YME1L1: variants seen among roughly 807,000 people sequenced by gnomAD.
The protein encoded by YME1L1 is YME1 like 1 ATPase, also known as ATP-dependent zinc metalloprotease YME1L1.
In YME1L1, 39 loss-of-function variants were observed where a neutral mutation model predicts 90.4. The observed-to-expected ratio is 0.43, with a 90% CI of 0.33 to 0.56. The LOEUF is 0.56. YME1L1 is among the 20% of genes least tolerant of loss of function. The pLI is 0.03. For synonymous variants in YME1L1, 284 were observed against 287.3 expected (o/e 0.99, Z 0.12); for missense variants, 617 against 868.4 (o/e 0.71, Z 3.64).
At chr10:27,134,017 G>A in intron 7 of YME1L1, 22 bp downstream of exon 7, 1 of 1,518,168 alleles carries the variant, frequency 6.6e-7, no homozygotes, top group Non-Finnish European at 9.1e-7. Context: ...AAATAAGTTA[G>A]ACAAATAAAA....
chr10:27,134,052 G>T lies in YME1L1; in HGVS notation c.762C>A (p.Asn254Lys). 6.2e-7 allele frequency: 1 copy of T among 1,612,330 alleles called. No individual in the cohort carries two copies. The highest frequency in any genetic ancestry group is 8.5e-7 in the Non-Finnish European group (1 of 1,179,338). Residue 254 changes from asparagine (N) to lysine (K), a missense_variant, in exon 7 of 19, where the codon AAC (asparagine) becomes AAA (lysine). Coordinates refer to ENST00000376016, the MANE Select transcript of YME1L1 (RefSeq NM_014263.4). ...LLFGIYGLLK[N>K]PFLSVRFRTT... is the part of the protein sequence containing the mutation. ...AAAAGCTTTTACCAGATAAAAATGG[G>T]TTTTTTAGAAGTCCATAAATGCCGA... is the stretch of plus-strand genomic sequence containing the variant.
chr10:27,115,122 A>T (rs2056798890), intron 17 of YME1L1, among the ~76,000 whole-genome samples: 1 of 152,000 alleles, frequency 6.6e-6, no homozygotes, highest in Admixed American at 6.6e-5. Flanking sequence ...GCATGGTGGC[A>T]GGTGACTGTA....
chr10:27,130,723 C>A (rs756888728), intron 8 of YME1L1, among the ~76,000 whole-genome samples: 3 of 152,126 alleles, frequency 2.0e-5, no homozygotes, highest in Non-Finnish European at 4.4e-5. Flanking sequence ...CGTGGTGGCT[C>A]GTGCCTGTAA....
intron 11 of YME1L1, among the ~76,000 whole-genome samples, chr10:27,121,748 AT>A (rs10585648): frequency 1.6e-3 from 219 of 138,490 alleles, no homozygotes; most frequent in Admixed American, 2.1e-3. Context: ...ACAAGCCACT[AT>A]TTTTTTTTTT....
chr10:27,147,772 G>T, intron 2 of YME1L1: 1 of 1,475,190 alleles, frequency 6.8e-7, no homozygotes, highest in Non-Finnish European at 9.1e-7. Context: ...TGTCAATTGT[G>T]CAGTTTCACC....
At chr10:27,132,067 A>C (rs1475454973) in intron 7 of YME1L1, 126 bp from the exon 8 acceptor site, 2 of 666,348 alleles carry the variant, frequency 3.0e-6, no homozygotes, top group Non-Finnish European at 5.1e-6. Context: ...TTCACATATC[A>C]AATCAGAGTG....
chr10:27,137,019 A>T (rs1225777778), intron 4 of YME1L1, among the ~76,000 whole-genome samples: 2 of 85,506 alleles, frequency 2.3e-5, no homozygotes, highest in African/African-American at 5.8e-5. Context: ...ATAAACTGTG[A>T]TTTCAAAAAA....
chr10:27,113,615 T>C (rs2056781973), intron 18 of YME1L1, among the ~76,000 whole-genome samples: 1 of 148,054 alleles, frequency 6.8e-6, no homozygotes, highest in African/African-American at 2.5e-5. Flanking sequence ...GAAGTTGCAA[T>C]GAGCCGAGAT....
At position 27,112,112 on chromosome 10, in the gene YME1L1, A is replaced by G. The variant is rs752661376; in HGVS notation, c.2016T>C (p.Tyr672=). ...QEIRILLRDS[Y]ERAKHILKTH... is the part of the protein sequence containing the mutation. ...TTTTCAAGATATGTTTTGCTCGTTC[A>G]TATGAGTCCTGAAACAGAAAAGGAG... The change falls in exon 19 of 19, where the codon TAT becomes TAC. Residue 672 remains tyrosine, a synonymous_variant. Transcript: ENST00000376016. 1.3e-5 allele frequency: 21 copies of G among 1,612,678 alleles called. No homozygotes were observed. Among genetic ancestry groups the G allele is most frequent in the Non-Finnish European group, 1.7e-5 (20 of 1,179,658 alleles).
At chr10:27,139,376 T>C (rs1392163229) in intron 4 of YME1L1, among the ~76,000 whole-genome samples, 1 of 152,060 alleles carries the variant, frequency 6.6e-6, no homozygotes, top group African/African-American at 2.4e-5. Context: ...GTTGCTGTTG[T>C]TGAGATGATG....
intron 12 of YME1L1, among the ~76,000 whole-genome samples, 180 bp from the exon 13 acceptor site, chr10:27,120,727 C>A (rs1198339591): frequency 1.3e-5 from 2 of 152,108 alleles, no homozygotes; most frequent in Admixed American, 1.3e-4. Context: ...TGTCAATAAC[C>A]AGAAAGCAGA....
At position 27,154,365 on chromosome 10, in the gene YME1L1, C is replaced by A. The variant is rs1200105779; in HGVS notation, c.-155G>T. On this transcript the variant is annotated 5_prime_UTR_variant, in exon 1 of 19. Coordinates refer to ENST00000376016, the MANE Select transcript of YME1L1 (RefSeq NM_014263.4). ...AACGGAAAATGGCCTCCCCTTCCTACAGCTACTGCAACGACAGACAATCCG... is the reference window on the plus strand; with the variant it reads ...AACGGAAAATGGCCTCCCCTTCCTAAAGCTACTGCAACGACAGACAATCCG... 2 of 835,148 alleles carry A rather than the reference C, an allele frequency of 2.4e-6. No individual in the cohort carries two copies. The highest frequency in any genetic ancestry group is 3.7e-6 in the Non-Finnish European group (2 of 537,368). The allele number at this position is 835,148 out of a possible 1,614,324, so 51.7% of individuals were successfully genotyped here.
chr10:27,139,928 T>C (rs1217119864), intron 4 of YME1L1, among the ~76,000 whole-genome samples: 2 of 152,252 alleles, frequency 1.3e-5, no homozygotes, highest in African/African-American at 2.4e-5. Context: ...CACCTATTAT[T>C]TTAAAATGTT....
At chr10:27,113,905 G>C (rs1441710585) in intron 18 of YME1L1, among the ~76,000 whole-genome samples, 1 of 148,004 alleles carries the variant, frequency 6.8e-6, no homozygotes, top group Non-Finnish European at 1.5e-5. Context: ...AGTGAGCCGA[G>C]ATCATGCCAC....
chr10:27,140,782 T>C (rs188863760), intron 4 of YME1L1, among the ~76,000 whole-genome samples: 2 of 152,272 alleles, frequency 1.3e-5, no homozygotes, highest in Admixed American at 6.5e-5. Context: ...TGGCCGTATT[T>C]AGGTATTTTT....
chr10:27,119,328 C>T lies in YME1L1; in HGVS notation c.1533G>A (p.Lys511=). ...AVDGKEMVTM[K]ELEFSKDKIL... is the part of the protein sequence containing the mutation. ...TTTTGTCTTTGGAAAACTCCAGCTCCTTCATGGTAACCATTTCTTTTCCAT... is the reference window on the plus strand; with the variant it reads ...TTTTGTCTTTGGAAAACTCCAGCTCTTTCATGGTAACCATTTCTTTTCCAT... Residue 511 remains lysine, a synonymous_variant, in exon 14 of 19, where the codon AAG becomes AAA. Transcript: ENST00000376016. The T allele has an allele frequency of 1.2e-6, 2 of 1,611,750 alleles. No homozygotes were observed. The highest frequency in any genetic ancestry group is 1.7e-6 in the Non-Finnish European group (2 of 1,179,330).
chr10:27,126,022 C>T (rs529015981), intron 9 of YME1L1, among the ~76,000 whole-genome samples: 4 of 152,226 alleles, frequency 2.6e-5, no homozygotes, highest in African/African-American at 7.2e-5. Flanking sequence ...GAAGAATATC[C>T]TTATTCTTAG....
chr10:27,125,856 TG>T (rs909444318), intron 9 of YME1L1, among the ~76,000 whole-genome samples: 2 of 151,946 alleles, frequency 1.3e-5, no homozygotes, highest in African/African-American at 4.8e-5. Flanking sequence ...CCAGGCTGGT[TG>T]GAACTCCAAT....
intron 4 of YME1L1, 74 bp downstream of exon 4, chr10:27,142,313 C>A: frequency 2.4e-6 from 2 of 847,762 alleles, no homozygotes; most frequent in Non-Finnish European, 1.7e-6. Flanking sequence ...AGAATTAATA[C>A]CATTAAGAAA....
Sources: allele counts gnomAD v4.1 joint callset (sites outside exome capture counted in the v4.1 genomes callset), GRCh38; gene constraint gnomAD v4.1.1; transcripts MANE v1.5; gene names NCBI Gene and HGNC (gene_info 2026-07-23, HGNC 2026-07-21).